KAZN: variants seen among roughly 807,000 people sequenced by gnomAD.
KAZN encodes the protein kazrin, periplakin interacting protein.
Under a neutral mutation model 87.4 loss-of-function variants are expected in KAZN, and 40 were observed. That is an observed-to-expected ratio of 0.46 (90% CI 0.36 to 0.60). The LOEUF (loss-of-function observed/expected upper bound fraction) is 0.60. Among genes scored for constraint, KAZN ranks in the 20% least tolerant of loss-of-function variants. KAZN has a pLI of 0.00. For synonymous variants in KAZN, 466 were observed against 458.3 expected, an observed-to-expected ratio of 1.02 and a Z score of -0.22; for missense variants, 898 against 1,073.9, an observed-to-expected ratio of 0.84 and a Z score of 2.29.
At chr1:14,969,014 G>C (rs149902672) in intron 2 of KAZN, among the ~76,000 whole-genome samples, 48 of 152,316 alleles carry the variant, frequency 3.2e-4, no homozygotes, top group African/African-American at 1.1e-3. Flanking sequence ...AGGAGTTCTA[G>C]GCTGCAGAGA....
intron 2 of KAZN, among the ~76,000 whole-genome samples, chr1:14,253,278 A>T (rs6673240): frequency 0.31 from 46,558 of 152,024 alleles, 9,232 homozygotes; most frequent in African/African-American, 0.55. Flanking sequence ...AGTCCCATAC[A>T]GCATTTTAAC....
At chr1:14,091,954 G>A (rs945399976) in intron 1 of KAZN, among the ~76,000 whole-genome samples, 13 of 152,046 alleles carry the variant, frequency 8.6e-5, no homozygotes, top group African/African-American at 2.9e-4. Context: ...AAAGGGCCAT[G>A]GACACACACT....
chr1:15,010,352 C>T (rs1191034741), intron 2 of KAZN, among the ~76,000 whole-genome samples: 3 of 150,672 alleles, frequency 2.0e-5, no homozygotes, highest in Admixed American at 6.6e-5. Flanking sequence ...GTTGGGTCCT[C>T]CTCTCCAGGG....
intron 1 of KAZN, among the ~76,000 whole-genome samples, chr1:14,648,018 C>G (rs1172289761): frequency 6.6e-6 from 1 of 152,188 alleles, no homozygotes; most frequent in African/African-American, 2.4e-5. Context: ...TCATTCCCTT[C>G]TCTCCACTGT....
chr1:14,954,232 G>T (rs1340839820), intron 1 of KAZN, among the ~76,000 whole-genome samples: 1 of 152,232 alleles, frequency 6.6e-6, no homozygotes, highest in Non-Finnish European at 1.5e-5. Flanking sequence ...TGCTACCATG[G>T]CCAAGAGAAC....
chr1:14,327,256 A>G (rs896803325), intron 2 of KAZN, among the ~76,000 whole-genome samples: 1 of 152,114 alleles, frequency 6.6e-6, no homozygotes, highest in Non-Finnish European at 1.5e-5. Flanking sequence ...TTGTATTTCA[A>G]TGTGTTCTCT....
intron 1 of KAZN, among the ~76,000 whole-genome samples, chr1:14,746,294 C>T (rs749884988): frequency 1.3e-5 from 2 of 152,008 alleles, no homozygotes; most frequent in South Asian, 2.1e-4. Context: ...TCTGGAGTGG[C>T]GAAGACCACA....
intron 1 of KAZN, among the ~76,000 whole-genome samples, chr1:14,861,285 G>A (rs1317841733): frequency 2.0e-5 from 3 of 152,146 alleles, no homozygotes; most frequent in Non-Finnish European, 4.4e-5. Flanking sequence ...AGGCTGAGGC[G>A]GGAGGATCAC....
At chr1:14,712,820 G>C (rs1312351658) in intron 1 of KAZN, among the ~76,000 whole-genome samples, 3 of 152,210 alleles carry the variant, frequency 2.0e-5, no homozygotes, top group Non-Finnish European at 4.4e-5. Flanking sequence ...AACCACAGCA[G>C]CTATAGAATT....
At chr1:14,393,917 T>G (rs1294539124) in intron 2 of KAZN, among the ~76,000 whole-genome samples, 1 of 151,044 alleles carries the variant, frequency 6.6e-6, no homozygotes, top group Non-Finnish European at 1.5e-5. Context: ...TGTGTGTTTT[T>G]TTAATGTAGT....
chr1:14,466,996 C>T (rs1571720281), intron 2 of KAZN, among the ~76,000 whole-genome samples: 1 of 151,912 alleles, frequency 6.6e-6, no homozygotes, highest in African/African-American at 2.4e-5. Flanking sequence ...ATAAATAAAC[C>T]GAAGAAACTA....
intron 2 of KAZN, among the ~76,000 whole-genome samples, chr1:14,350,133 C>CAAA (rs111546286): frequency 3.9e-4 from 39 of 100,484 alleles, no homozygotes; most frequent in Non-Finnish European, 4.2e-4. Context: ...GACTCCATCT[C>CAAA]AAAAAAAAAA....
rs745792506 is a variant in KAZN, at chr1:14,575,473, A to C, written c.250-23510A>C. ...ACTACCATGAGAACAGTATGGGGGA[A>C]ACCATCCCCATGATTCAATTATCTC... On this transcript the variant is annotated intron_variant, in intron 2 of 16. Coordinates refer to the KAZN transcript ENST00000636203. 9.1e-4 allele frequency among the ~76,000 whole-genome samples: 138 copies of C among 152,250 alleles called. 5 individuals carry two copies. The highest frequency in any genetic ancestry group is 7.2e-4 in the Admixed American group (11 of 15,302).
chr1:14,071,244 G>C (rs1365142570), intron 1 of KAZN, among the ~76,000 whole-genome samples: 1 of 152,144 alleles, frequency 6.6e-6, no homozygotes, highest in Non-Finnish European at 1.5e-5. Context: ...GGGATTCAGG[G>C]TCTGTTTGGG....
At chr1:14,822,149 C>T (rs1317702647) in intron 1 of KAZN, among the ~76,000 whole-genome samples, 1 of 152,156 alleles carries the variant, frequency 6.6e-6, no homozygotes, top group African/African-American at 2.4e-5. Context: ...GATGGCCAAG[C>T]CCAGGAAAAC....
intron 1 of KAZN, among the ~76,000 whole-genome samples, chr1:14,112,902 G>T (rs1644530609): frequency 6.6e-6 from 1 of 152,196 alleles, no homozygotes; most frequent in African/African-American, 2.4e-5. Context: ...CTAGATAACT[G>T]TTCAGCCCAG....
chr1:14,646,493 A>G (rs1463921340), intron 1 of KAZN, among the ~76,000 whole-genome samples: 1 of 152,200 alleles, frequency 6.6e-6, no homozygotes, highest in African/African-American at 2.4e-5. Flanking sequence ...TAACTGGATA[A>G]TCATCTGTAC....
intron 2 of KAZN, among the ~76,000 whole-genome samples, chr1:14,405,886 T>C (rs1017811280): frequency 2.6e-5 from 4 of 152,004 alleles, no homozygotes; most frequent in Non-Finnish European, 4.4e-5. Context: ...TTTTGTTCTA[T>C]CCATGCCTCC....
intron 1 of KAZN, among the ~76,000 whole-genome samples, chr1:13,977,672 G>C (rs1638429150): frequency 6.6e-6 from 1 of 152,186 alleles, no homozygotes; most frequent in East Asian, 1.9e-4. Context: ...GTAAAAACAG[G>C]CGGCCTGGAA....
Sources: allele counts gnomAD v4.1 joint callset (sites outside exome capture counted in the v4.1 genomes callset), GRCh38; gene constraint gnomAD v4.1.1; transcripts MANE v1.5; gene names NCBI Gene and HGNC (gene_info 2026-07-23, HGNC 2026-07-21).